DDX60: variants seen among roughly 807,000 people sequenced by gnomAD.
DDX60 encodes the protein probable ATP-dependent RNA helicase DDX60.
A neutral mutation model predicts 212.8 loss-of-function variants in DDX60; 165 were observed. The observed-to-expected ratio is 0.78, with a 90% CI of 0.68 to 0.88. The LOEUF (loss-of-function observed/expected upper bound fraction) is 0.88, where lower values mean the gene tolerates loss of function less well. Ranked by LOEUF, DDX60 falls within the 40% of genes least tolerant of loss-of-function variation. The pLI, the probability that DDX60 is intolerant of heterozygous loss-of-function variation, is 0.00. For synonymous variants in DDX60, 703 were observed against 685.3 expected, an observed-to-expected ratio of 1.03 and a Z score of -0.40; for missense variants, 1,905 against 2,003.9, an observed-to-expected ratio of 0.95 and a Z score of 0.94.
At chr4:168,277,672 G>A (rs925851595) in intron 14 of DDX60, among the ~76,000 whole-genome samples, 1 of 151,888 alleles carries the variant, frequency 6.6e-6, no homozygotes, top group Non-Finnish European at 1.5e-5. Context: ...AGCCGGATGC[G>A]GTGGTGGGCG....
chr4:168,325,028 T>G, the DDX60 span, among the ~76,000 whole-genome samples: 1 of 152,202 alleles, frequency 6.6e-6, no homozygotes, highest in African/African-American at 2.4e-5. Context: ...TGAAATCTAT[T>G]ATAGCAGATT....
intron 15 of DDX60, 103 bp downstream of exon 15, chr4:168,275,912 T>TTAA: frequency 1.1e-6 from 1 of 928,676 alleles, no homozygotes; most frequent in Non-Finnish European, 1.5e-6. Context: ...GTATTTTCAG[T>TTAA]AAAAAAAAAA....
Position 168,269,458 on chromosome 4 carries a change from G to A in DDX60, c.2671-489C>T, listed in dbSNP as rs111603290. Among the ~76,000 whole-genome samples the A allele has an allele frequency of 8.3e-3, 1,262 of 152,186 alleles. 20 individuals are homozygous for A. The highest frequency in any genetic ancestry group is 0.058 in the East Asian group (298 of 5,172). ...CTAAGAAAACAAAAAAAAATTAGCC[G>A]GGCGTGGTGGTGGGTGCCTGTAGTC... On this transcript the variant is annotated intron_variant, in intron 19 of 37. Transcript: ENST00000393743.
intron 6 of DDX60, among the ~76,000 whole-genome samples, chr4:168,297,059 C>A (rs930766552): frequency 6.6e-6 from 1 of 151,526 alleles, no homozygotes; most frequent in Non-Finnish European, 1.5e-5. Context: ...TACAGGCATG[C>A]ACCACCATGC....
chr4:168,227,834 T>C (rs1733312020), intron 33 of DDX60, among the ~76,000 whole-genome samples: 1 of 152,108 alleles, frequency 6.6e-6, no homozygotes, highest in Admixed American at 6.6e-5. Flanking sequence ...ATTTATAAAT[T>C]AATTTTTTAA....
Position 168,275,954 on chromosome 4 carries a change from A to G in DDX60, c.2145+61T>C. Reference sequence around the variant, plus strand: ...TCTGGAAGAGATGACTATCTTTGCAAAACACTTTATGTATACCTAATAATT... The same window carrying G: ...TCTGGAAGAGATGACTATCTTTGCAGAACACTTTATGTATACCTAATAATT... On this transcript the variant is annotated intron_variant, in intron 15 of 37. Coordinates refer to ENST00000393743, the MANE Select transcript of DDX60 (RefSeq NM_017631.6). 3 of 1,408,482 alleles carry G rather than the reference A, an allele frequency of 2.1e-6. No individual in the cohort carries two copies. The East Asian group carries it at 7.4e-5, about 35-fold the overall frequency. 87.2% of individuals were successfully genotyped at this position (1,408,482 alleles called of 1,614,324 possible). A position where few individuals can be genotyped will look rare whatever the true frequency, so the allele number is the denominator to read the frequency against.
intron 22 of DDX60, among the ~76,000 whole-genome samples, chr4:168,265,843 AAGG>A (rs1734820651): frequency 6.5e-5 from 1 of 15,440 alleles, no homozygotes; most frequent in East Asian, 9.0e-4. Context: ...GAAGGAAGGG[AAGG>A]GAAGGGAAGG....
intron 27 of DDX60, among the ~76,000 whole-genome samples, chr4:168,252,011 CTT>C (rs984187875): frequency 6.6e-6 from 1 of 152,180 alleles, no homozygotes; most frequent in African/African-American, 2.4e-5. Context: ...TCCAATGCCT[CTT>C]TGGTGTTTTA....
At chr4:168,323,724 C>A (rs981189811), upstream of DDX60, among the ~76,000 whole-genome samples, 1 of 152,076 alleles carries the variant, frequency 6.6e-6, no homozygotes, top group Non-Finnish European at 1.5e-5. Flanking sequence ...AGGAGATTTC[C>A]AGAGTTTTTT....
chr4:168,283,727 A>G, intron 12 of DDX60, 121 bp from the exon 13 acceptor site: 2 of 688,470 alleles, frequency 2.9e-6, no homozygotes, highest in South Asian at 5.1e-5. Context: ...TAATCTCATT[A>G]TCTTTCTTAA....
chr4:168,271,036 C>A (rs1735074682), intron 19 of DDX60, among the ~76,000 whole-genome samples: 2 of 151,914 alleles, frequency 1.3e-5, no homozygotes, highest in South Asian at 2.1e-4. Context: ...TGCCACCACA[C>A]CCAGCTAATT....
chr4:168,221,487 G>A (rs1733048319), intron 36 of DDX60, among the ~76,000 whole-genome samples: 1 of 152,112 alleles, frequency 6.6e-6, no homozygotes, highest in Non-Finnish European at 1.5e-5. Flanking sequence ...TTAGAGCACA[G>A]CATGATGTCA....
intron 32 of DDX60, 104 bp from the exon 33 acceptor site, chr4:168,236,477 A>C: frequency 9.8e-7 from 1 of 1,018,080 alleles, no homozygotes; most frequent in Non-Finnish European, 1.4e-6. Flanking sequence ...GGAAACTAAA[A>C]ATTTATGACA....
intron 7 of DDX60, 124 bp downstream of exon 7, chr4:168,293,663 C>A: frequency 1.2e-6 from 1 of 864,442 alleles, no homozygotes. Context: ...GTTTTATTTT[C>A]TGAAGTTTAT....
intron 33 of DDX60, among the ~76,000 whole-genome samples, chr4:168,234,762 C>A (rs894140210): frequency 6.6e-6 from 1 of 152,002 alleles, no homozygotes; most frequent in Non-Finnish European, 1.5e-5. Context: ...AAACTGTTTT[C>A]AAAGGACTTT....
intron 13 of DDX60, 31 bp downstream of exon 13, chr4:168,283,415 T>C: frequency 1.3e-6 from 2 of 1,598,420 alleles, no homozygotes; most frequent in South Asian, 1.1e-5. Flanking sequence ...AAGGAAAATT[T>C]TTTTAATTGG....
rs778539012 is a variant in DDX60 at position 168,280,322 on chromosome 4, C to T, written c.1978+13G>A. ...TCTCCAACTCACCGAAATAACAAAA[C>T]AGAATTACATACCTTCTTCACTTCG... is the stretch of plus-strand genomic sequence containing the variant. On this transcript the variant is annotated intron_variant, in intron 14 of 37. Coordinates refer to ENST00000393743, the MANE Select transcript of DDX60 (RefSeq NM_017631.6). 6.3e-7 allele frequency: 1 copy of T among 1,588,530 alleles called. No homozygotes were observed. The highest frequency in any genetic ancestry group is 8.6e-7 in the Non-Finnish European group (1 of 1,168,186).
intron 14 of DDX60, among the ~76,000 whole-genome samples, chr4:168,278,079 G>T (rs1735428688): frequency 6.6e-6 from 1 of 151,964 alleles, no homozygotes; most frequent in Non-Finnish European, 1.5e-5. Flanking sequence ...CTTAATAGTG[G>T]CCCCAAACTG....
At chr4:168,270,605 A>G (rs987120250) in intron 19 of DDX60, among the ~76,000 whole-genome samples, 2 of 152,214 alleles carry the variant, frequency 1.3e-5, no homozygotes, top group Non-Finnish European at 2.9e-5. Flanking sequence ...TGCACAGACA[A>G]AGTTGTTGGA....
Sources: gnomAD v4.1 joint callset for allele counts (sites outside exome capture counted in the v4.1 genomes callset) on GRCh38, gnomAD v4.1.1 for gene constraint, MANE v1.5 for transcripts, NCBI Gene and HGNC (gene_info 2026-07-23, HGNC 2026-07-21) for gene names.